MREG: variants seen among roughly 807,000 people sequenced by gnomAD.
MREG encodes the protein melanoregulin.
In MREG, 31 loss-of-function variants were observed where a neutral mutation model predicts 28.5. The observed-to-expected ratio is 1.09, with a 90% confidence interval of 0.82 to 1.47. The LOEUF is 1.47. MREG is among the 40% of genes most tolerant of loss of function. The pLI is 0.00. For synonymous variants in MREG, 106 were observed against 95.2 expected, an observed-to-expected ratio of 1.11 and a Z score of -0.66; for missense variants, 256 against 257.4, an observed-to-expected ratio of 0.99 and a Z score of 0.04.
At chr2:215,959,929 T>C (rs1418019738) in intron 2 of MREG, among the ~76,000 whole-genome samples, 2 of 152,038 alleles carry the variant, frequency 1.3e-5, no homozygotes, top group Non-Finnish European at 2.9e-5. Context: ...TTTACGAAAA[T>C]TGTTGTAGAG....
At chr2:216,019,751 C>T (rs899498905) in intron 1 of MREG, among the ~76,000 whole-genome samples, 2 of 152,234 alleles carry the variant, frequency 1.3e-5, no homozygotes, top group East Asian at 1.9e-4. Flanking sequence ...GTGATCAGCC[C>T]GCCTAGGCCT....
At chr2:215,987,679 G>A (rs558509405) in intron 2 of MREG, among the ~76,000 whole-genome samples, 3 of 152,036 alleles carry the variant, frequency 2.0e-5, no homozygotes, top group South Asian at 2.1e-4. Context: ...TCAGGAGCTC[G>A]AGACCAGACA....
chr2:216,017,497 C>T (rs1479011491), upstream of MREG, among the ~76,000 whole-genome samples: 2 of 152,188 alleles, frequency 1.3e-5, 1 homozygote. Context: ...ATTCACAGGG[C>T]AGCAGCAAGT....
At chr2:215,947,501 A>G (rs1416489869) in intron 2 of MREG, among the ~76,000 whole-genome samples, 2 of 152,230 alleles carry the variant, frequency 1.3e-5, no homozygotes, top group Non-Finnish European at 2.9e-5. Flanking sequence ...AATAAAATCT[A>G]TATATTATTA....
At chr2:215,969,504 C>G (rs1288578017) in intron 2 of MREG, among the ~76,000 whole-genome samples, 2 of 152,148 alleles carry the variant, frequency 1.3e-5, no homozygotes, top group Non-Finnish European at 2.9e-5. Context: ...ATTTTTATGC[C>G]ATTTCTCTTG....
At chr2:215,999,585 G>T (rs903489395) in intron 1 of MREG, among the ~76,000 whole-genome samples, 3 of 152,206 alleles carry the variant, frequency 2.0e-5, no homozygotes, top group African/African-American at 7.2e-5. Flanking sequence ...GAAAAATGGG[G>T]TTCTACTGCT....
intron 1 of MREG, among the ~76,000 whole-genome samples, chr2:216,010,637 G>T (rs1314327022): frequency 6.6e-6 from 1 of 151,290 alleles, no homozygotes; most frequent in East Asian, 2.0e-4. Flanking sequence ...GATTACAGGC[G>T]TGAGCCACCG....
chr2:216,007,095 T>C (rs553064059), intron 1 of MREG, among the ~76,000 whole-genome samples: 1 of 152,352 alleles, frequency 6.6e-6, no homozygotes, highest in East Asian at 1.9e-4. Context: ...TCTAAGCAAG[T>C]TACTGAAGTT....
At chr2:215,952,865 C>T (rs891943913) in intron 2 of MREG, among the ~76,000 whole-genome samples, 2 of 152,144 alleles carry the variant, frequency 1.3e-5, no homozygotes, top group Non-Finnish European at 2.9e-5. Context: ...CAAGAATACG[C>T]TTATACTTCC....
chr2:216,031,671 G>GAA (rs746180419), intron 1 of MREG, among the ~76,000 whole-genome samples: 4 of 79,012 alleles, frequency 5.1e-5, no homozygotes, highest in African/African-American at 2.2e-4. Flanking sequence ...AAGAAAGAAA[G>GAA]AAAGAAAGAA....
Position 215,958,739 on chromosome 2 carries a change from T to C in MREG, c.256-11626A>G, listed in dbSNP as rs566910786. The stretch of plus-strand genomic sequence containing the variant: ...CTAAGGTATTAATACTTCCTCCCCA[T>C]CCCACTAGTGACCTGATTTAGGGGA... On this transcript the variant is annotated intron_variant, in intron 2 of 4. Transcript: ENST00000263268. 5.3e-5 allele frequency among the ~76,000 whole-genome samples: 8 copies of C among 152,272 alleles called. No individual in the cohort carries two copies. The South Asian group carries it at 8.3e-4, about 16-fold the overall frequency.
intron 2 of MREG, among the ~76,000 whole-genome samples, chr2:215,980,963 A>T (rs1260004386): frequency 6.6e-6 from 1 of 152,018 alleles, no homozygotes; most frequent in Admixed American, 6.6e-5. Context: ...TATTAATAAC[A>T]AGTGTTGGCA....
chr2:215,988,124 G>A (rs1038441557), intron 2 of MREG, among the ~76,000 whole-genome samples: 11 of 152,096 alleles, frequency 7.2e-5, no homozygotes, highest in African/African-American at 2.4e-4. Flanking sequence ...AATAGGAACA[G>A]CTCCAGTCTG....
chr2:215,970,079 C>T (rs1338707573), intron 2 of MREG, among the ~76,000 whole-genome samples: 1 of 152,168 alleles, frequency 6.6e-6, no homozygotes. Flanking sequence ...TCCTAAGCCC[C>T]AGTACCTCAG....
At chr2:215,973,331 G>A (rs1295201459) in intron 2 of MREG, among the ~76,000 whole-genome samples, 1 of 152,176 alleles carries the variant, frequency 6.6e-6, no homozygotes, top group Non-Finnish European at 1.5e-5. Context: ...TGAAAGCAAC[G>A]CTGAAACCTC....
chr2:216,006,577 C>A (rs972758882), intron 1 of MREG, among the ~76,000 whole-genome samples: 69 of 152,314 alleles, frequency 4.5e-4, no homozygotes, highest in African/African-American at 1.6e-3. Flanking sequence ...GCCAATCTGC[C>A]CAATCTGCTC....
chr2:215,987,632 G>A (rs1001717371), intron 2 of MREG, among the ~76,000 whole-genome samples: 2 of 152,010 alleles, frequency 1.3e-5, no homozygotes, highest in Non-Finnish European at 2.9e-5. Flanking sequence ...TGTAATTCCA[G>A]CACTTTAGGA....
chr2:215,974,902 G>T (rs1001415837), intron 2 of MREG, among the ~76,000 whole-genome samples: 3 of 145,554 alleles, frequency 2.1e-5, no homozygotes, highest in Non-Finnish European at 4.5e-5. Context: ...ACTTTCTCCA[G>T]CACACCCACA....
chr2:216,005,642 A>G (rs962552146), intron 1 of MREG, among the ~76,000 whole-genome samples: 4 of 151,596 alleles, frequency 2.6e-5, no homozygotes, highest in Admixed American at 2.0e-4. Flanking sequence ...GAGTAGACAC[A>G]GGGTTTCACC....
Sources: allele counts gnomAD v4.1 joint callset (sites outside exome capture counted in the v4.1 genomes callset), GRCh38; gene constraint gnomAD v4.1.1; transcripts MANE v1.5; gene names NCBI Gene and HGNC (gene_info 2026-07-23, HGNC 2026-07-21).